NBAS: variants seen among roughly 807,000 people sequenced by gnomAD.
NBAS encodes the protein NAG/BC035112 fusion.
NBAS carries 219 observed loss-of-function variants against 302.5 expected under a neutral mutation model. That is an observed-to-expected ratio of 0.72 (90% CI 0.65 to 0.81). NBAS has a LOEUF of 0.81. Among genes scored for constraint, NBAS ranks in the 30% least tolerant of loss-of-function variants. NBAS has a pLI of 0.00. For synonymous variants in NBAS, 1,118 were observed against 1,021.6 expected (o/e 1.09, Z -1.80); for missense variants, 2,932 against 2,841.6 (o/e 1.03, Z -0.72).
the NBAS span, among the ~76,000 whole-genome samples, chr2:14,910,377 G>A: frequency 2.0e-5 from 3 of 152,214 alleles, no homozygotes; most frequent in African/African-American, 7.2e-5. Context: ...AGAATAAGGA[G>A]TTTGCACTAC....
Position 15,275,916 on chromosome 2 carries a change from G to T in NBAS, c.5390-98C>A, listed in dbSNP as rs149477174. On this transcript the variant is annotated intron_variant, in intron 43 of 51. Transcript: ENST00000281513. ...CACATAGCCCTCTATATGTCTGAAC[G>T]CAAAGATCTATCAACTTAGCTCTAA... 2.7e-4 allele frequency: 282 copies of T among 1,040,584 alleles called. 2 individuals carry two copies. Among genetic ancestry groups the T allele is most frequent in the African/African-American group, 1.7e-3 (106 of 62,794 alleles). 64.5% of individuals were successfully genotyped at this position (1,040,584 alleles called of 1,614,324 possible). A position where few individuals can be genotyped will look rare whatever the true frequency, so the allele number is the denominator to read the frequency against.
chr2:15,041,150 T>C, the NBAS span, among the ~76,000 whole-genome samples: 1 of 152,208 alleles, frequency 6.6e-6, no homozygotes, highest in Non-Finnish European at 1.5e-5. Flanking sequence ...CGGAGCTACC[T>C]TGTGTCCCCT....
intron 28 of NBAS, among the ~76,000 whole-genome samples, chr2:15,388,553 C>G (rs981471648): frequency 3.1e-5 from 3 of 95,928 alleles, no homozygotes; most frequent in Non-Finnish European, 7.6e-5. Context: ...ACAGTACAAC[C>G]ATTTTGAAAA....
intron 25 of NBAS, among the ~76,000 whole-genome samples, chr2:15,404,844 G>C (rs1003677858): frequency 1.3e-5 from 2 of 152,030 alleles, no homozygotes; most frequent in Non-Finnish European, 1.5e-5. Context: ...CAATGTCCTT[G>C]AGTCCATATT....
chr2:15,017,613 A>G, the NBAS span, among the ~76,000 whole-genome samples: 2 of 152,094 alleles, frequency 1.3e-5, no homozygotes, highest in South Asian at 4.1e-4. Context: ...AACCACAATG[A>G]AGAATCTTCT....
At chr2:14,794,253 G>T in the NBAS span, among the ~76,000 whole-genome samples, 2 of 152,068 alleles carry the variant, frequency 1.3e-5, no homozygotes, top group African/African-American at 4.8e-5. Context: ...CGCTGGGCGC[G>T]CATCCTTAAC....
intron 9 of NBAS, among the ~76,000 whole-genome samples, chr2:15,518,112 G>T: frequency 7.6e-6 from 1 of 131,726 alleles, no homozygotes; most frequent in Non-Finnish European, 1.6e-5. Flanking sequence ...AATTTCTCTA[G>T]TTAATGAAGT....
At chr2:15,127,479 A>G in the NBAS span, among the ~76,000 whole-genome samples, 2 of 152,218 alleles carry the variant, frequency 1.3e-5, no homozygotes, top group Non-Finnish European at 1.5e-5. Context: ...ATGACCTGCA[A>G]TAAATCCAAG....
rs959336007 is a variant in NBAS, at chr2:15,324,890, A to G, written c.4582+2860T>C. Among the ~76,000 whole-genome samples the G allele has an allele frequency of 2.6e-5, 4 of 152,182 alleles. No homozygotes were observed. In the South Asian group the frequency reaches 8.3e-4, roughly 32 times the overall value. ...CATTTTGATGTCTCATCATTTAGTT[A>G]TCAACTACAACAAAGATGGCTGAGC... On this transcript the variant is annotated intron_variant, in intron 38 of 51. Coordinates refer to ENST00000281513, the MANE Select transcript of NBAS (RefSeq NM_015909.4).
At chr2:14,835,177 C>A in the NBAS span, among the ~76,000 whole-genome samples, 1 of 151,796 alleles carries the variant, frequency 6.6e-6, no homozygotes, top group Non-Finnish European at 1.5e-5. Context: ...TGAGGTAAGA[C>A]CAATTGTACA....
At chr2:14,831,940 A>T in the NBAS span, among the ~76,000 whole-genome samples, 879 of 152,324 alleles carry the variant, frequency 5.8e-3, 8 homozygotes, top group African/African-American at 0.02. Flanking sequence ...AAAAGCCTGT[A>T]AACTTCTTTC....
the NBAS span, among the ~76,000 whole-genome samples, chr2:14,873,595 G>T: frequency 7.4e-5 from 11 of 149,508 alleles, no homozygotes; most frequent in Non-Finnish European, 1.3e-4. Flanking sequence ...CATTTATAAG[G>T]ATTGAAATAA....
the NBAS span, among the ~76,000 whole-genome samples, chr2:14,887,398 T>TTAA: frequency 1.0e-5 from 1 of 95,664 alleles, no homozygotes; most frequent in African/African-American, 7.2e-5. Context: ...GTGAGACTCC[T>TTAA]CAAAAAAAAA....
At chr2:14,883,509 A>G in the NBAS span, among the ~76,000 whole-genome samples, 1 of 152,160 alleles carries the variant, frequency 6.6e-6, no homozygotes, top group African/African-American at 2.4e-5. Context: ...AATTTAGAAA[A>G]GGGAAGTGAC....
chr2:15,458,546 C>T (rs554281541), intron 21 of NBAS, among the ~76,000 whole-genome samples: 115 of 152,222 alleles, frequency 7.6e-4, no homozygotes, highest in Admixed American at 2.0e-3. Context: ...CATGTGAGAG[C>T]GCTTGCTCCC....
the NBAS span, among the ~76,000 whole-genome samples, chr2:14,833,434 C>T: frequency 2.6e-5 from 4 of 152,018 alleles, no homozygotes; most frequent in Non-Finnish European, 4.4e-5. Context: ...AAATATTTCT[C>T]ATCTATAAAG....
intron 38 of NBAS, among the ~76,000 whole-genome samples, chr2:15,320,813 T>C (rs1254876191): frequency 6.6e-6 from 1 of 151,896 alleles, no homozygotes; most frequent in Non-Finnish European, 1.5e-5. Context: ...AAAATGGCCA[T>C]ACTGTCCAAG....
intron 31 of NBAS, among the ~76,000 whole-genome samples, chr2:15,368,667 C>T (rs1674339208): frequency 6.6e-6 from 1 of 152,158 alleles, no homozygotes; most frequent in Non-Finnish European, 1.5e-5. Flanking sequence ...ATTACTCTTC[C>T]CAATTATCCA....
rs548085167 is a variant in NBAS at position 15,248,692 on chromosome 2, C to T, written c.5725-10006G>A. Among the ~76,000 whole-genome samples, 920 of 152,184 alleles carry T rather than the reference C, an allele frequency of 6.0e-3. 10 individuals are homozygous for T. Among genetic ancestry groups the T allele is most frequent in the South Asian group, 0.02 (94 of 4,818 alleles). On this transcript the variant is annotated intron_variant, in intron 44 of 51. Transcript: ENST00000281513. The stretch of plus-strand genomic sequence containing the variant: ...TCAGAGAATACTATAAACACCTCTA[C>T]ACAAATAAACTAGAAAATCTAGAAG...
Sources: gnomAD v4.1 joint callset for allele counts (sites outside exome capture counted in the v4.1 genomes callset) on GRCh38, gnomAD v4.1.1 for gene constraint, MANE v1.5 for transcripts, NCBI Gene and HGNC (gene_info 2026-07-23, HGNC 2026-07-21) for gene names.